The following PLPBP variants were observed in gnomAD, a reference collection of about 807,000 sequenced individuals.
PLPBP encodes the protein pyridoxal phosphate homeostasis protein.
Under a neutral mutation model 31.2 loss-of-function variants are expected in PLPBP, and 21 were observed. The ratio of observed to expected loss-of-function variants is 0.67; its 90% CI spans 0.48 to 0.97. The LOEUF (loss-of-function observed/expected upper bound fraction) is 0.97, where lower values mean the gene tolerates loss of function less well. Ranked by LOEUF, PLPBP falls within the 50% of genes least tolerant of loss-of-function variation. PLPBP has a pLI of 0.00. For synonymous variants in PLPBP, 124 were observed against 135.6 expected, an observed-to-expected ratio of 0.91 and a Z score of 0.59; for missense variants, 308 against 354.4, an observed-to-expected ratio of 0.87 and a Z score of 1.05.
chr8:37,767,671 A>G (rs1271836798), intron 4 of PLPBP, among the ~76,000 whole-genome samples: 2 of 152,142 alleles, frequency 1.3e-5, no homozygotes, highest in Non-Finnish European at 2.9e-5. Context: ...TTGTATGGAT[A>G]TATTTCCCTT....
In PLPBP at chr8:37,762,655, G is replaced by A. The variant is rs1337509340; in HGVS notation, c.-5G>A. The A allele has an allele frequency of 3.2e-6, 5 of 1,574,882 alleles. No individual in the cohort carries two copies. The highest frequency in any genetic ancestry group is 3.4e-6 in the Non-Finnish European group (4 of 1,164,300). ...GGCCTGGGGCTCGGCGTCGGTCCCC[G>A]GGGGATGTGGAGAGCTGGCAGCATG... On this transcript the variant is annotated 5_prime_UTR_variant, in exon 1 of 8. Transcript: ENST00000328195.
At chr8:37,777,901 G>A in intron 7 of PLPBP, 72 bp from the exon 8 acceptor site, 3 of 1,505,796 alleles carry the variant, frequency 2.0e-6, no homozygotes, top group Non-Finnish European at 2.7e-6. Context: ...CAGAATGGGG[G>A]CACAGCTTCA....
chr8:37,773,093 T>C (rs1336779230), intron 5 of PLPBP, among the ~76,000 whole-genome samples: 1 of 152,180 alleles, frequency 6.6e-6, no homozygotes, highest in Non-Finnish European at 1.5e-5. Flanking sequence ...TACTACATCA[T>C]GGTTCATTAT....
In PLPBP at chr8:37,763,474, G is replaced by T. The variant is rs182737918; in HGVS notation, c.99+716G>T. ...TGATCGAGCATTTATGCTGGCTGAA[G>T]ACAAGACCTGTATTATAGTCTTTCT... On this transcript the variant is annotated intron_variant, in intron 1 of 7. Coordinates refer to ENST00000328195, the MANE Select transcript of PLPBP (RefSeq NM_007198.4). 5.2e-3 allele frequency among the ~76,000 whole-genome samples: 786 copies of T among 152,314 alleles called. 6 individuals carry two copies. The highest frequency in any genetic ancestry group is 0.036 in the South Asian group (175 of 4,830).
chr8:37,763,198 C>T (rs2129762943), intron 1 of PLPBP, among the ~76,000 whole-genome samples: 1 of 152,266 alleles, frequency 6.6e-6, no homozygotes, highest in Admixed American at 6.5e-5. Flanking sequence ...AATGCCAGTG[C>T]CGCCCGGAGG....
chr8:37,764,071 C>CTT (rs111913973), intron 1 of PLPBP, among the ~76,000 whole-genome samples: 133 of 126,884 alleles, frequency 1.0e-3, no homozygotes, highest in African/African-American at 2.3e-3. Flanking sequence ...TCTTTTCTTT[C>CTT]TTTTTTTTTT....
intron 7 of PLPBP, among the ~76,000 whole-genome samples, chr8:37,776,273 C>A (rs1803906610): frequency 6.6e-6 from 1 of 151,770 alleles, no homozygotes; most frequent in Admixed American, 6.6e-5. Context: ...GTCAGGAGTT[C>A]GAGACCAGCC....
rs754558638 is a variant in PLPBP, at chr8:37,778,052, A to T, written c.776A>T (p.Asp259Val). 1.9e-6 allele frequency: 3 copies of T among 1,613,866 alleles called. No homozygotes were observed. In the African/African-American group the frequency reaches 4.0e-5, roughly 21 times the overall value. Residue 259 changes from aspartate (D) to valine (V), a missense_variant, in exon 8 of 8, where the codon GAC becomes GTC. Coordinates refer to ENST00000328195, the MANE Select transcript of PLPBP (RefSeq NM_007198.4). The part of the protein sequence containing the change: ...ERDYSKKPTP[D>V]KCAADVKAPL... ...GATTACTCAAAGAAACCCACCCCGG[A>T]CAAGTGCGCAGCAGACGTGAAGGCC...
chr8:37,770,278 GAC>G (rs757706819), intron 4 of PLPBP, among the ~76,000 whole-genome samples: 34 of 152,134 alleles, frequency 2.2e-4, no homozygotes, highest in Non-Finnish European at 4.3e-4. Context: ...CATAAAAACA[GAC>G]ACATAGACCA....
In PLPBP at chr8:37,778,269, C is replaced by T. The variant is rs1248326040; in HGVS notation, c.*165C>T. 1 of 798,628 alleles carries T rather than the reference C, an allele frequency of 1.3e-6. No individual in the cohort carries two copies. The highest frequency in any genetic ancestry group is 1.7e-5 in the African/African-American group (1 of 57,450). 49.5% of individuals were successfully genotyped at this position (798,628 alleles called of 1,614,324 possible). A position where few individuals can be genotyped will look rare whatever the true frequency, so the allele number is the denominator to read the frequency against. ...CTTAGTCTCTGACATAGGAAGCTTGCTTCAGGCAATGGCTTTGGATTGAGT... is the reference window on the plus strand; with the variant it reads ...CTTAGTCTCTGACATAGGAAGCTTGTTTCAGGCAATGGCTTTGGATTGAGT... On this transcript the variant is annotated 3_prime_UTR_variant, in exon 8 of 8. Transcript: ENST00000328195.
At chr8:37,775,606 C>T in intron 6 of PLPBP, 125 bp downstream of exon 6, 1 of 1,355,650 alleles carries the variant, frequency 7.4e-7, no homozygotes, top group East Asian at 2.3e-5. Flanking sequence ...TGTTCTAGCC[C>T]TCTTTTGAAC....
At chr8:37,776,828 G>A (rs889671971) in intron 7 of PLPBP, among the ~76,000 whole-genome samples, 4 of 152,128 alleles carry the variant, frequency 2.6e-5, no homozygotes, top group East Asian at 3.9e-4. Context: ...GTGCAGTGGC[G>A]CGATCTCAGC....
At chr8:37,773,606 T>C (rs747333511) in intron 5 of PLPBP, among the ~76,000 whole-genome samples, 15 of 151,868 alleles carry the variant, frequency 9.9e-5, no homozygotes, top group Non-Finnish European at 1.8e-4. Flanking sequence ...GTAGCTGGGA[T>C]TACAGGCACG....
In PLPBP at chr8:37,775,475, C is replaced by T. The variant is rs768505888; in HGVS notation, c.591C>T (p.Asp197=). The change falls in exon 6 of 8, where the codon GAC becomes GAT. Residue 197 remains aspartate, a synonymous_variant. Coordinates refer to ENST00000328195, the MANE Select transcript of PLPBP (RefSeq NM_007198.4). The part of the protein sequence containing the change: ...GHDLSQGPNP[D]FQLLLSLREE... The stretch of plus-strand genomic sequence containing the variant: ...ATCTTAGTCAAGGACCAAATCCAGA[C>T]TTCCAGGTACTGGGGGGTCGGGGAG... 8.7e-6 allele frequency: 14 copies of T among 1,613,962 alleles called. No homozygotes were observed. In the East Asian group the frequency reaches 1.8e-4, roughly 21 times the overall value.
rs1272364896 is a variant in PLPBP at position 37,765,459 on chromosome 8, A to G, written c.100-67A>G. On this transcript the variant is annotated intron_variant, in intron 1 of 7. Transcript: ENST00000328195. ...AATGCCTGTCTATCCTACAGGATCT[A>G]TCCTATGGGATTCATTGGGGTACTG... 7.0e-6 allele frequency: 10 copies of G among 1,436,844 alleles called. No homozygotes were observed. In the Admixed American group the frequency reaches 1.0e-4, roughly 14 times the overall value. 89.0% of individuals were successfully genotyped at this position (1,436,844 alleles called of 1,614,324 possible). A position where few individuals can be genotyped will look rare whatever the true frequency, so the allele number is the denominator to read the frequency against.
intron 4 of PLPBP, 124 bp downstream of exon 4, chr8:37,766,479 T>C (rs1194007853): frequency 3.7e-6 from 5 of 1,345,876 alleles, no homozygotes; most frequent in Non-Finnish European, 4.8e-6. Flanking sequence ...GGAATTTCTT[T>C]AGGAAAGTCT....
At chr8:37,768,360 C>T (rs887208996) in intron 4 of PLPBP, among the ~76,000 whole-genome samples, 9 of 151,112 alleles carry the variant, frequency 6.0e-5, no homozygotes, top group Non-Finnish European at 1.5e-5. Context: ...AACCCCAAAG[C>T]AACCAATAAA....
chr8:37,777,917 G>A, intron 7 of PLPBP, 56 bp from the exon 8 acceptor site: 1 of 1,554,320 alleles, frequency 6.4e-7, no homozygotes, highest in African/African-American at 1.4e-5. Context: ...CTTCAGCACT[G>A]GCTCCATTTT....
chr8:37,762,553 C>G (rs1803501365), upstream of PLPBP: 2 of 1,477,244 alleles, frequency 1.4e-6, no homozygotes, highest in East Asian at 5.1e-5. Context: ...TGAGACGACT[C>G]AATGATGAGC....
Sources: gnomAD v4.1 joint callset for allele counts (sites outside exome capture counted in the v4.1 genomes callset) on GRCh38, gnomAD v4.1.1 for gene constraint, MANE v1.5 for transcripts, NCBI Gene and HGNC (gene_info 2026-07-23, HGNC 2026-07-21) for gene names.